Variants in CDH2 observed in about 807,000 individuals in gnomAD.
CDH2 encodes cadherin-2.
CDH2 carries 17 observed loss-of-function variants against 92.0 expected under a neutral mutation model. The observed-to-expected ratio is 0.18, with a 90% CI of 0.13 to 0.28. The LOEUF is 0.28. Among genes scored for constraint, CDH2 ranks in the 10% least tolerant of loss-of-function variants. The pLI is 1.00. For missense variants in CDH2, 862 were observed against 1,133.1 expected, an observed-to-expected ratio of 0.76 and a Z score of 3.44; for synonymous variants, 419 against 415.9, an observed-to-expected ratio of 1.01 and a Z score of -0.09.
chr18:28,027,457 C>G (rs929109139), intron 2 of CDH2, among the ~76,000 whole-genome samples: 2 of 151,812 alleles, frequency 1.3e-5, no homozygotes, highest in Non-Finnish European at 2.9e-5. Context: ...TCATATTTAA[C>G]TAACATATAC....
chr18:27,972,347 C>T (rs2011686387), intron 14 of CDH2, among the ~76,000 whole-genome samples: 1 of 152,190 alleles, frequency 6.6e-6, no homozygotes, highest in Admixed American at 6.5e-5. Flanking sequence ...GCCAGTAACA[C>T]CTCCTGCCTG....
chr18:28,152,494 C>A (rs929547235), intron 1 of CDH2, among the ~76,000 whole-genome samples: 4 of 152,132 alleles, frequency 2.6e-5, no homozygotes, highest in Admixed American at 1.3e-4. Context: ...AGTAGCAAGG[C>A]GCTAGAGAGT....
rs188213999 is a variant in CDH2 at position 28,002,456 on chromosome 18, G to A, written c.1020+541C>T. Among the ~76,000 whole-genome samples, 165 of 152,278 alleles carry A rather than the reference G, an allele frequency of 1.1e-3. 1 individual carries two copies. The highest frequency in any genetic ancestry group is 2.2e-3 in the Non-Finnish European group (149 of 68,022). On this transcript the variant is annotated intron_variant, in intron 7 of 15. Coordinates refer to ENST00000269141, the MANE Select transcript of CDH2 (RefSeq NM_001792.5). ...TATTTCTAACTTTAAATACTTGTGG[G>A]TAGAATTAATGCAGTTACTACTGCT... is the stretch of plus-strand genomic sequence containing the variant.
At chr18:28,097,083 C>A (rs2015147232) in intron 2 of CDH2, 1 of 152,222 alleles carries the variant, frequency 6.6e-6, no homozygotes, top group African/African-American at 2.4e-5. Context: ...CCAGTACACT[C>A]TGCTTAGAGT....
At chr18:28,027,687 C>T (rs1019192343) in intron 2 of CDH2, among the ~76,000 whole-genome samples, 5 of 152,092 alleles carry the variant, frequency 3.3e-5, no homozygotes, top group Admixed American at 2.0e-4. Flanking sequence ...CCCTTGTATA[C>T]ATTCTAATAA....
intron 6 of CDH2, among the ~76,000 whole-genome samples, chr18:27,943,019 C>T (rs1166076473): frequency 6.6e-6 from 1 of 152,198 alleles, no homozygotes; most frequent in East Asian, 1.9e-4. Context: ...CACACACCCA[C>T]ACTTCTATGC....
chr18:28,170,644 C>A (rs1228697748), intron 1 of CDH2, among the ~76,000 whole-genome samples: 1 of 152,132 alleles, frequency 6.6e-6, no homozygotes, highest in African/African-American at 2.4e-5. Context: ...CATGCCTGGC[C>A]CTCTGTAGCT....
chr18:28,086,963 A>G (rs1459890511), intron 2 of CDH2, among the ~76,000 whole-genome samples: 1 of 152,148 alleles, frequency 6.6e-6, no homozygotes, highest in Non-Finnish European at 1.5e-5. Flanking sequence ...CCTACTTTGC[A>G]TACAGTCAGA....
chr18:27,975,805 G>A (rs2011807474), intron 14 of CDH2, among the ~76,000 whole-genome samples: 1 of 152,152 alleles, frequency 6.6e-6, no homozygotes, highest in South Asian at 2.1e-4. Context: ...TGGACAAACT[G>A]AAGGATGGTG....
At chr18:28,092,659 C>T (rs1249290129) in intron 2 of CDH2, among the ~76,000 whole-genome samples, 1 of 151,978 alleles carries the variant, frequency 6.6e-6, no homozygotes, top group East Asian at 1.9e-4. Context: ...TTTTGTACGG[C>T]AAAATCTTTG....
At chr18:28,175,348 G>T (rs1371981701) in intron 1 of CDH2, among the ~76,000 whole-genome samples, 2 of 152,174 alleles carry the variant, frequency 1.3e-5, no homozygotes, top group Non-Finnish European at 2.9e-5. Context: ...GAGAAAGACC[G>T]GTAGGAGACT....
At chr18:27,944,481 A>G (rs1909219328) in intron 6 of CDH2, among the ~76,000 whole-genome samples, 1 of 152,150 alleles carries the variant, frequency 6.6e-6, no homozygotes. Flanking sequence ...AATGAATCTA[A>G]TATATCAAAT....
intron 5 of CDH2, among the ~76,000 whole-genome samples, chr18:28,009,442 A>C (rs2013032326): frequency 1.3e-5 from 2 of 152,212 alleles, no homozygotes; most frequent in Admixed American, 1.3e-4. Context: ...TCTTAACCAC[A>C]TATCTGAAAG....
intron 4 of CDH2, among the ~76,000 whole-genome samples, chr18:28,011,217 A>G (rs1338238491): frequency 1.3e-5 from 2 of 152,070 alleles, no homozygotes; most frequent in Non-Finnish European, 2.9e-5. Flanking sequence ...TTTGTAATAA[A>G]TAATGGGTTA....
At chr18:28,166,484 A>T (rs1401144982) in intron 1 of CDH2, among the ~76,000 whole-genome samples, 1 of 152,084 alleles carries the variant, frequency 6.6e-6, no homozygotes, top group Admixed American at 6.5e-5. Flanking sequence ...TTGTAAATTA[A>T]ATCAATGGTT....
intron 13 of CDH2, 48 bp downstream of exon 13, chr18:27,984,952 C>T: frequency 6.9e-7 from 1 of 1,457,424 alleles, no homozygotes; most frequent in Non-Finnish European, 9.6e-7. Flanking sequence ...TGCTGAACAT[C>T]CTAGAAGCCA....
chr18:28,168,661 T>G, intron 1 of CDH2: 1 of 396,046 alleles, frequency 2.5e-6, no homozygotes, highest in Non-Finnish European at 3.4e-6. Context: ...TGATTATGAA[T>G]GCTTCTAAAA....
intron 6 of CDH2, among the ~76,000 whole-genome samples, chr18:27,934,340 T>C (rs1350183897): frequency 6.6e-6 from 1 of 152,204 alleles, no homozygotes; most frequent in Non-Finnish European, 1.5e-5. Flanking sequence ...GAGAGCAATC[T>C]GAGTGCCATT....
At chr18:28,095,097 G>C (rs2015108210) in intron 2 of CDH2, among the ~76,000 whole-genome samples, 2 of 152,120 alleles carry the variant, frequency 1.3e-5, no homozygotes, top group Non-Finnish European at 1.5e-5. Context: ...CACTCTGTCA[G>C]TTAACTAGGG....
Sources: gnomAD v4.1 joint callset for allele counts (sites outside exome capture counted in the v4.1 genomes callset) on GRCh38, gnomAD v4.1.1 for gene constraint, MANE v1.5 for transcripts, NCBI Gene and HGNC (gene_info 2026-07-23, HGNC 2026-07-21) for gene names.